The following DYM variants were observed in gnomAD, a reference collection of about 807,000 sequenced individuals.
The protein encoded by DYM is dymeclin.
Under a neutral mutation model 93.1 loss-of-function variants are expected in DYM, and 78 were observed. That is an observed-to-expected ratio of 0.84 (90% CI 0.70 to 1.01). The LOEUF (loss-of-function observed/expected upper bound fraction) is 1.01, where lower values mean the gene tolerates loss of function less well. Ranked by LOEUF, DYM falls within the 50% of genes least tolerant of loss-of-function variation. The pLI, the probability that DYM is intolerant of heterozygous loss-of-function variation, is 0.00. For synonymous variants in DYM, 321 were observed against 319.7 expected, an observed-to-expected ratio of 1.00 and a Z score of -0.04; for missense variants, 789 against 845.0, an observed-to-expected ratio of 0.93 and a Z score of 0.82.
intron 15 of DYM, among the ~76,000 whole-genome samples, chr18:49,120,471 T>C (rs1403791047): frequency 2.0e-5 from 3 of 152,194 alleles, no homozygotes; most frequent in Non-Finnish European, 4.4e-5. Flanking sequence ...GACATCCCCC[T>C]GCCTCGGAAA....
intron 17 of DYM, among the ~76,000 whole-genome samples, chr18:49,057,949 A>C (rs952149698): frequency 6.6e-6 from 1 of 152,170 alleles, no homozygotes; most frequent in African/African-American, 2.4e-5. Context: ...GGAGCTGAAG[A>C]CTGACTGTGA....
At chr18:49,338,804 G>A (rs2063858125) in intron 6 of DYM, among the ~76,000 whole-genome samples, 1 of 152,082 alleles carries the variant, frequency 6.6e-6, no homozygotes, top group African/African-American at 2.4e-5. Context: ...GTTGATAGAA[G>A]GAAGAGTACA....
At chr18:49,399,934 CT>C (rs1201370040) in intron 2 of DYM, among the ~76,000 whole-genome samples, 4,512 of 66,036 alleles carry the variant, frequency 0.068, 16 homozygotes, top group East Asian at 0.16. Context: ...TTTTATTTTT[CT>C]TTTTTTTTTT....
intron 8 of DYM, among the ~76,000 whole-genome samples, chr18:49,323,443 A>C (rs1480767784): frequency 1.3e-5 from 2 of 152,212 alleles, no homozygotes; most frequent in Non-Finnish European, 2.9e-5. Context: ...GTCACCCTCA[A>C]AATTCCTATC....
intron 1 of DYM, among the ~76,000 whole-genome samples, chr18:49,445,539 A>C (rs1416414936): frequency 6.6e-6 from 1 of 152,188 alleles, no homozygotes; most frequent in East Asian, 1.9e-4. Context: ...ATAAGTGAAA[A>C]ACAGGAGGAG....
intron 13 of DYM, among the ~76,000 whole-genome samples, chr18:49,241,862 A>T (rs975271334): frequency 6.6e-6 from 1 of 152,266 alleles, no homozygotes; most frequent in Admixed American, 6.5e-5. Context: ...GAAAAAGCTG[A>T]TCACTCATTT....
At chr18:49,155,965 A>G (rs2086364151) in intron 15 of DYM, among the ~76,000 whole-genome samples, 1 of 152,178 alleles carries the variant, frequency 6.6e-6, no homozygotes, top group Admixed American at 6.5e-5. Flanking sequence ...TCTGTGTTTA[A>G]TTACTGATGA....
intron 17 of DYM, among the ~76,000 whole-genome samples, chr18:49,090,784 C>T (rs76101044): frequency 0.025 from 3,781 of 152,236 alleles, 56 homozygotes; most frequent in South Asian, 0.063. Context: ...ATATTTTACT[C>T]TGCTTGAACT....
intron 8 of DYM, among the ~76,000 whole-genome samples, chr18:49,323,744 C>T (rs2957172): frequency 0.12 from 18,324 of 152,244 alleles, 1,427 homozygotes; most frequent in Non-Finnish European, 0.17. Flanking sequence ...ACCCAGCCTA[C>T]GGTATTTTGT....
intron 6 of DYM, among the ~76,000 whole-genome samples, chr18:49,346,499 C>A (rs1460304670): frequency 6.6e-6 from 1 of 151,838 alleles, no homozygotes; most frequent in African/African-American, 2.4e-5. Flanking sequence ...GTAGTCAGGC[C>A]CATTAGCAAA....
At chr18:49,302,337 T>C (rs1176627089) in intron 8 of DYM, among the ~76,000 whole-genome samples, 1 of 151,314 alleles carries the variant, frequency 6.6e-6, no homozygotes. Context: ...AAGCATTTTA[T>C]AAAACTTATT....
chr18:49,355,718 A>C (rs1337639637), intron 6 of DYM, among the ~76,000 whole-genome samples: 1 of 152,124 alleles, frequency 6.6e-6, no homozygotes, highest in Non-Finnish European at 1.5e-5. Context: ...TTCTCCCAAC[A>C]AACAACTAAT....
At chr18:49,219,372 T>C (rs895956675) in intron 13 of DYM, among the ~76,000 whole-genome samples, 26 of 152,160 alleles carry the variant, frequency 1.7e-4, no homozygotes, top group Non-Finnish European at 2.5e-4. Context: ...TTCCAATCAA[T>C]AGAAAAAGAG....
intron 13 of DYM, among the ~76,000 whole-genome samples, chr18:49,256,348 G>A (rs781197973): frequency 6.6e-6 from 1 of 152,210 alleles, no homozygotes; most frequent in Non-Finnish European, 1.5e-5. Flanking sequence ...TCAGAGTGAT[G>A]AGGTATGAGA....
chr18:49,127,739 T>C (rs2082955108), intron 15 of DYM, among the ~76,000 whole-genome samples: 1 of 152,200 alleles, frequency 6.6e-6, no homozygotes, highest in African/African-American at 2.4e-5. Flanking sequence ...GAAAGCTTTG[T>C]GGCCATGTTA....
At chr18:49,258,175 T>C (rs975033789) in intron 12 of DYM, among the ~76,000 whole-genome samples, 1 of 152,256 alleles carries the variant, frequency 6.6e-6, no homozygotes, top group Non-Finnish European at 1.5e-5. Context: ...TTCTATTTCA[T>C]GTAAAATATC....
chr18:49,118,728 C>T lies in DYM; in HGVS notation c.1911+16G>A. The T allele has an allele frequency of 6.2e-7, 1 of 1,605,448 alleles. No homozygotes were observed. The highest frequency in any genetic ancestry group is 1.1e-5 in the South Asian group (1 of 90,844). On this transcript the variant is annotated intron_variant, in intron 16 of 17. Transcript: ENST00000675505. Reference sequence around the variant, plus strand: ...CTTAAAAAAGAATCATAATAAATGTCTTCATTTACACTCACCAGATCAATA... The same window carrying T: ...CTTAAAAAAGAATCATAATAAATGTTTTCATTTACACTCACCAGATCAATA...
chr18:49,271,651 A>G (rs1015039394), intron 11 of DYM, among the ~76,000 whole-genome samples: 2 of 151,234 alleles, frequency 1.3e-5, no homozygotes, highest in African/African-American at 2.4e-5. Flanking sequence ...TTAAAACTAC[A>G]TATGTGTATT....
chr18:49,270,583 A>C (rs79869375), intron 11 of DYM, among the ~76,000 whole-genome samples: 1,667 of 152,292 alleles, frequency 0.011, 28 homozygotes, highest in African/African-American at 0.038. Flanking sequence ...TGCCACAAAA[A>C]ATAAAGGAGG....
Sources: allele counts gnomAD v4.1 joint callset (sites outside exome capture counted in the v4.1 genomes callset), GRCh38; gene constraint gnomAD v4.1.1; transcripts MANE v1.5; gene names NCBI Gene and HGNC (gene_info 2026-07-23, HGNC 2026-07-21).